Variants in CEP112 observed in about 807,000 individuals in gnomAD.
The protein encoded by CEP112 is centrosomal protein of 112 kDa.
In CEP112, 127 loss-of-function variants were observed where a neutral mutation model predicts 153.0. The ratio of observed to expected loss-of-function variants is 0.83; its 90% CI spans 0.72 to 0.96. The LOEUF is 0.96. Ranked by LOEUF, CEP112 falls within the 40% of genes least tolerant of loss-of-function variation. The pLI is 0.00. For synonymous variants in CEP112, 358 were observed against 374.4 expected (o/e 0.96, Z 0.51); for missense variants, 1,089 against 1,101.2 (o/e 0.99, Z 0.16).
chr17:66,079,394 T>C (rs1487990856), intron 8 of CEP112, among the ~76,000 whole-genome samples: 3 of 152,146 alleles, frequency 2.0e-5, no homozygotes, highest in Non-Finnish European at 4.4e-5. Flanking sequence ...ATTCATTAAA[T>C]AGAAAACAGT....
chr17:66,015,352 T>C (rs1179221695), intron 16 of CEP112, among the ~76,000 whole-genome samples: 1 of 151,528 alleles, frequency 6.6e-6, no homozygotes, highest in Non-Finnish European at 1.5e-5. Flanking sequence ...TATTTTAATT[T>C]TGGCATTCAC....
chr17:65,671,971 T>C (rs2047007191), intron 24 of CEP112, among the ~76,000 whole-genome samples: 1 of 152,122 alleles, frequency 6.6e-6, no homozygotes. Context: ...CATTAATAAA[T>C]AAGGATGAAA....
At chr17:65,673,903 G>T (rs2047100882) in intron 24 of CEP112, among the ~76,000 whole-genome samples, 1 of 152,106 alleles carries the variant, frequency 6.6e-6, no homozygotes, top group East Asian at 1.9e-4. Flanking sequence ...TGGAGTTGGA[G>T]TGTCACTCCA....
Position 66,053,854 on chromosome 17 carries a change from T to G in CEP112, c.1100A>C (p.Glu367Ala). The G allele has an allele frequency of 1.2e-6, 2 of 1,613,222 alleles. No homozygotes were observed. Among genetic ancestry groups the G allele is most frequent in the Non-Finnish European group, 1.7e-6 (2 of 1,179,466 alleles). The change falls in exon 12 of 27, where the codon GAA becomes GCA. Residue 367 changes from glutamate to alanine, a missense_variant. Physicochemically the swap from Glu to Ala is moderately radical, Grantham distance 107. Coordinates refer to ENST00000535342, the MANE Select transcript of CEP112 (RefSeq NM_001199165.4). ...KKLHNAVAEM[E>A]QEKFDLQKQH... The stretch of plus-strand genomic sequence containing the variant: ...CTTTTGAAGATCAAACTTTTCCTGT[T>G]CCATTTCTGCTACAGCATTGTGAAG...
chr17:66,075,592 G>A (rs1030863495), intron 8 of CEP112, among the ~76,000 whole-genome samples: 4 of 152,128 alleles, frequency 2.6e-5, no homozygotes, highest in Admixed American at 6.5e-5. Flanking sequence ...TAACCATATC[G>A]ATCAGTAACT....
In CEP112 at chr17:66,004,326, T is replaced by A. The variant is rs540234919; in HGVS notation, c.1736+1364A>T. Among the ~76,000 whole-genome samples the A allele has an allele frequency of 3.3e-5, 5 of 151,778 alleles. No individual in the cohort carries two copies. In the East Asian group the frequency reaches 5.8e-4, roughly 18 times the overall value. On this transcript the variant is annotated intron_variant, in intron 17 of 26. Transcript: ENST00000535342. ...GAAACCCAGTCTCTACTAAAAAAAA[T>A]AAATAAATCCAAAGATTAGCTGGGC...
chr17:65,650,364 T>C (rs1189707489), intron 24 of CEP112, among the ~76,000 whole-genome samples: 1 of 152,160 alleles, frequency 6.6e-6, no homozygotes, highest in Non-Finnish European at 1.5e-5. Flanking sequence ...GTGGCAGGCA[T>C]GAGCTTCATT....
intron 20 of CEP112, among the ~76,000 whole-genome samples, chr17:65,869,089 G>A (rs1337344485): frequency 6.6e-6 from 1 of 152,188 alleles, no homozygotes; most frequent in Admixed American, 6.5e-5. Context: ...GCCTAGGTCA[G>A]CACATTTTCT....
chr17:65,659,071 AT>A (rs1389681225), intron 24 of CEP112, among the ~76,000 whole-genome samples: 4 of 148,858 alleles, frequency 2.7e-5, no homozygotes, highest in Non-Finnish European at 5.9e-5. Context: ...CCTGCCTTGA[AT>A]ATCACCACCG....
chr17:66,009,328 AC>A (rs2064414078), intron 16 of CEP112, among the ~76,000 whole-genome samples: 1 of 151,900 alleles, frequency 6.6e-6, no homozygotes, highest in Non-Finnish European at 1.5e-5. Context: ...TGTTTCATAT[AC>A]CTGTTATTTG....
intron 17 of CEP112, among the ~76,000 whole-genome samples, chr17:65,986,544 TTAAAG>T (rs759140795): frequency 1.3e-5 from 2 of 152,110 alleles, no homozygotes; most frequent in African/African-American, 4.8e-5. Context: ...ATGCATCGGA[TTAAAG>T]TAAAGTACAA....
intron 17 of CEP112, among the ~76,000 whole-genome samples, chr17:65,994,974 C>T (rs900871791): frequency 7.2e-5 from 11 of 152,078 alleles, no homozygotes; most frequent in African/African-American, 2.7e-4. Flanking sequence ...TTCATGTGCC[C>T]CTTCGGCACA....
chr17:65,705,736 A>G (rs1411532728), intron 23 of CEP112, among the ~76,000 whole-genome samples: 1 of 152,250 alleles, frequency 6.6e-6, no homozygotes, highest in African/African-American at 2.4e-5. Flanking sequence ...AGATTTGAAA[A>G]GACATGAGAG....
At chr17:65,863,849 T>A (rs1034484409) in intron 20 of CEP112, among the ~76,000 whole-genome samples, 1 of 147,224 alleles carries the variant, frequency 6.8e-6, no homozygotes, top group Non-Finnish European at 1.5e-5. Flanking sequence ...CCTAGAAAGA[T>A]GAGTGCCTCC....
chr17:66,066,376 G>A (rs1027019416), intron 10 of CEP112, among the ~76,000 whole-genome samples: 5 of 152,104 alleles, frequency 3.3e-5, no homozygotes, highest in Non-Finnish European at 5.9e-5. Flanking sequence ...AATTTTACTA[G>A]ATAAAGAAGA....
intron 23 of CEP112, among the ~76,000 whole-genome samples, chr17:65,711,859 G>A (rs960443714): frequency 2.6e-5 from 4 of 152,118 alleles, no homozygotes; most frequent in Non-Finnish European, 5.9e-5. Flanking sequence ...TACCACGTCC[G>A]TTACCAAACA....
chr17:66,031,645 A>G (rs2065490655), intron 12 of CEP112, among the ~76,000 whole-genome samples: 1 of 151,676 alleles, frequency 6.6e-6, no homozygotes, highest in African/African-American at 2.4e-5. Flanking sequence ...CTTTTTTGGT[A>G]GCGATGGGGT....
intron 17 of CEP112, among the ~76,000 whole-genome samples, chr17:66,003,773 G>A (rs972290485): frequency 2.6e-5 from 4 of 152,156 alleles, no homozygotes; most frequent in Admixed American, 1.3e-4. Context: ...ATTCTCACAG[G>A]AGCGTGAACC....
At chr17:65,820,357 T>C (rs2056471266) in intron 21 of CEP112, among the ~76,000 whole-genome samples, 2 of 152,100 alleles carry the variant, frequency 1.3e-5, no homozygotes. Flanking sequence ...CATGACTAGA[T>C]AGTTTTCTAG....
Sources: allele counts gnomAD v4.1 joint callset (sites outside exome capture counted in the v4.1 genomes callset), GRCh38; gene constraint gnomAD v4.1.1; transcripts MANE v1.5; gene names NCBI Gene and HGNC (gene_info 2026-07-23, HGNC 2026-07-21).